PPIP5K2: variants seen among roughly 807,000 people sequenced by gnomAD.
PPIP5K2 encodes the protein inositol hexakisphosphate and diphosphoinositol-pentakisphosphate kinase 2.
In PPIP5K2, 105 loss-of-function variants were observed where a neutral mutation model predicts 154.6. That is an observed-to-expected ratio of 0.68 (90% CI 0.58 to 0.80). The LOEUF is 0.80. PPIP5K2 is among the 30% of genes least tolerant of loss of function. The pLI, the probability that PPIP5K2 is intolerant of heterozygous loss-of-function variation, is 0.00. For missense variants in PPIP5K2, 992 were observed against 1,504.6 expected, an observed-to-expected ratio of 0.66 and a Z score of 5.64; for synonymous variants, 480 against 490.3, an observed-to-expected ratio of 0.98 and a Z score of 0.28.
In PPIP5K2 at chr5:103,211,924, A is replaced by G. The variant is rs1340948379; in HGVS notation, c.*10290A>G. 2 of 152,150 alleles carry G rather than the reference A, an allele frequency of 1.3e-5. No homozygotes were observed. Among genetic ancestry groups the G allele is most frequent in the Admixed American group, 1.3e-4 (2 of 15,274 alleles). 9.4% of individuals were successfully genotyped at this position (152,150 alleles called of 1,614,324 possible). On this transcript the variant is annotated 3_prime_UTR_variant, in exon 31 of 31. Transcript: ENST00000358359. The stretch of plus-strand genomic sequence containing the variant: ...GAAATATATGTTACAGGTGAAAAGC[A>G]AGAATTAAAACTAGTTATCTGAATG...
chr5:103,164,930 A>G (rs1260617536), intron 17 of PPIP5K2, among the ~76,000 whole-genome samples: 1 of 152,274 alleles, frequency 6.6e-6, no homozygotes, highest in South Asian at 2.1e-4. Context: ...ATAGTGGTTT[A>G]GAGCACCAGT....
At chr5:103,137,671 A>G (rs1791773035) in intron 4 of PPIP5K2, among the ~76,000 whole-genome samples, 1 of 152,196 alleles carries the variant, frequency 6.6e-6, no homozygotes, top group African/African-American at 2.4e-5. Context: ...TACCATTACA[A>G]TATGAGATTT....
chr5:103,149,140 C>T lies in PPIP5K2; in HGVS notation c.745-12C>T, dbSNP rs782192849. 3 of 1,590,610 alleles carry T rather than the reference C, an allele frequency of 1.9e-6. No individual in the cohort carries two copies. Among genetic ancestry groups the T allele is most frequent in the South Asian group, 1.1e-5 (1 of 87,182 alleles). On this transcript the variant is annotated splice_polypyrimidine_tract_variant and intron_variant, in intron 7 of 30. Coordinates refer to ENST00000358359, the MANE Select transcript of PPIP5K2 (RefSeq NM_001276277.3). ...TATATATATTTATACATTTATTAAA[C>T]ATTTGTGAAAGGTTTATACAGTGGG...
At chr5:103,138,593 T>A (rs1791995089) in intron 5 of PPIP5K2, 124 bp downstream of exon 5, 2 of 519,760 alleles carry the variant, frequency 3.8e-6, no homozygotes, top group Non-Finnish European at 6.6e-6. Flanking sequence ...TTTTAAAAAA[T>A]AATCTAAACA....
chr5:103,153,997 C>A, intron 11 of PPIP5K2, 63 bp downstream of exon 11: 1 of 1,262,812 alleles, frequency 7.9e-7, no homozygotes, highest in South Asian at 1.4e-5. Flanking sequence ...GATAAGTGAT[C>A]AACTCTTTTG....
rs1387367553 is a variant in PPIP5K2, at chr5:103,206,229, C to T, written c.*4595C>T. On this transcript the variant is annotated 3_prime_UTR_variant, in exon 31 of 31. Coordinates refer to ENST00000358359, the MANE Select transcript of PPIP5K2 (RefSeq NM_001276277.3). ...ATATTGTCATCAAAAGCCCAAGTGA[C>T]CTCCCTTGTCACCTCTGGCATAGTA... 1 of 152,148 alleles carries T rather than the reference C, an allele frequency of 6.6e-6. No individual in the cohort carries two copies. Among genetic ancestry groups the T allele is most frequent in the Non-Finnish European group, 1.5e-5 (1 of 68,026 alleles). The allele number at this position is 152,148 out of a possible 1,614,324, so 9.4% of individuals were successfully genotyped here. A position where few individuals can be genotyped will look rare whatever the true frequency, so the allele number is the denominator to read the frequency against.
chr5:103,201,616 C>A lies in PPIP5K2; in HGVS notation c.3714C>A (p.Asn1238Lys), dbSNP rs868914282. 1 of 1,597,438 alleles carries A rather than the reference C, an allele frequency of 6.3e-7. No homozygotes were observed. Among genetic ancestry groups the A allele is most frequent in the Non-Finnish European group, 8.5e-7 (1 of 1,170,144 alleles). ...SKTETHEHKKNTGKKK is the reference protein window; with the variant it reads ...SKTETHEHKKKTGKKK Reference sequence around the variant, plus strand: ...CAGAAACGCATGAACACAAAAAAAACACTGGGAAAAAGAAATGAAATCTTA... The same window carrying A: ...CAGAAACGCATGAACACAAAAAAAAAACTGGGAAAAAGAAATGAAATCTTA... The change falls in exon 31 of 31, where the codon AAC (asparagine) becomes AAA (lysine). Residue 1238 changes from asparagine (N) to lysine (K), a missense_variant. This residue lies in a region of PPIP5K2 where 131 missense variants were observed against 117.8 expected (regional missense o/e 1.11). Coordinates refer to ENST00000358359, the MANE Select transcript of PPIP5K2 (RefSeq NM_001276277.3).
At position 103,157,202 on chromosome 5, in the gene PPIP5K2, T is replaced by TA. The variant is rs528709581; in HGVS notation, c.1490-986_1490-985insA. Among the ~76,000 whole-genome samples the TA allele has an allele frequency of 8.7e-4, 133 of 152,240 alleles. 1 individual carries two copies. The highest frequency in any genetic ancestry group is 3.1e-3 in the African/African-American group (130 of 41,556). ...TATAATGCTTATTTTTGAATTACTT[T>TA]TTTTTTCAGAACCCAACACAGATCT... On this transcript the variant is annotated intron_variant, in intron 14 of 30. Coordinates refer to ENST00000358359, the MANE Select transcript of PPIP5K2 (RefSeq NM_001276277.3).
intron 17 of PPIP5K2, among the ~76,000 whole-genome samples, chr5:103,162,484 T>C (rs575437227): frequency 2.6e-4 from 39 of 151,920 alleles, no homozygotes; most frequent in African/African-American, 8.2e-4. Flanking sequence ...TGCCTCAGCC[T>C]CCTGAGTAGC....
intron 29 of PPIP5K2, among the ~76,000 whole-genome samples, chr5:103,193,573 G>GA (rs1801600578): frequency 1.3e-5 from 2 of 151,870 alleles, no homozygotes; most frequent in African/African-American, 4.8e-5. Context: ...CATAGAGTAG[G>GA]GTAAAAATAT....
At position 103,208,560 on chromosome 5, in the gene PPIP5K2, C is replaced by G. The variant is rs1803640622; in HGVS notation, c.*6926C>G. The G allele has an allele frequency of 6.6e-6, 1 of 152,298 alleles. No homozygotes were observed. The highest frequency in any genetic ancestry group is 1.5e-5 in the Non-Finnish European group (1 of 68,154). 9.4% of individuals were successfully genotyped at this position (152,298 alleles called of 1,614,324 possible). A position where few individuals can be genotyped will look rare whatever the true frequency, so the allele number is the denominator to read the frequency against. On this transcript the variant is annotated 3_prime_UTR_variant, in exon 31 of 31. Coordinates refer to ENST00000358359, the MANE Select transcript of PPIP5K2 (RefSeq NM_001276277.3). ...GTCTCTTTCCTCCTGTCTGCCACGT[C>G]TACAGACTACTGCTTGTCAATGTGA...
intron 5 of PPIP5K2, among the ~76,000 whole-genome samples, chr5:103,138,758 T>C (rs1583239194): frequency 6.6e-6 from 1 of 152,342 alleles, no homozygotes; most frequent in Non-Finnish European, 1.5e-5. Flanking sequence ...TGTGTATTGA[T>C]TAAAGGTGAA....
intron 5 of PPIP5K2, among the ~76,000 whole-genome samples, chr5:103,139,339 C>T (rs900941007): frequency 6.6e-6 from 1 of 152,102 alleles, no homozygotes; most frequent in Admixed American, 6.6e-5. Context: ...TCCCACTCCC[C>T]ACAGGAACAC....
intron 1 of PPIP5K2, among the ~76,000 whole-genome samples, chr5:103,126,736 C>A (rs374049438): frequency 3.1e-4 from 46 of 146,832 alleles, no homozygotes; most frequent in African/African-American, 1.1e-3. Context: ...GTCTATCTAG[C>A]CTTTTCACGT....
At chr5:103,177,553 A>G (rs1798905473) in intron 21 of PPIP5K2, 114 bp from the exon 22 acceptor site, 1 of 585,648 alleles carries the variant, frequency 1.7e-6, no homozygotes, top group Non-Finnish European at 2.9e-6. Context: ...GCATATGATA[A>G]GTATTCACTT....
At chr5:103,170,281 A>G (rs965216524) in intron 19 of PPIP5K2, among the ~76,000 whole-genome samples, 1 of 151,586 alleles carries the variant, frequency 6.6e-6, no homozygotes, top group Admixed American at 6.6e-5. Context: ...TTAGTATGTT[A>G]CGAAGGAGTT....
rs561945254 is a variant in PPIP5K2 at position 103,192,425 on chromosome 5, C to T, written c.3493+1443C>T. Among the ~76,000 whole-genome samples, 57 of 152,080 alleles carry T rather than the reference C, an allele frequency of 3.7e-4. 1 individual carries two copies. Among genetic ancestry groups the T allele is most frequent in the African/African-American group, 1.3e-3 (55 of 41,532 alleles). ...GAACCTGAATAAATTCTAGTTTACCCCTTCACCCTTAATGATGTTTCATTG... is the reference window on the plus strand; with the variant it reads ...GAACCTGAATAAATTCTAGTTTACCTCTTCACCCTTAATGATGTTTCATTG... On this transcript the variant is annotated intron_variant, in intron 29 of 30. Coordinates refer to ENST00000358359, the MANE Select transcript of PPIP5K2 (RefSeq NM_001276277.3).
chr5:103,206,233 C>T lies in PPIP5K2; in HGVS notation c.*4599C>T, dbSNP rs148046954. 3.5e-4 allele frequency: 54 copies of T among 152,266 alleles called. No individual in the cohort carries two copies. Among genetic ancestry groups the T allele is most frequent in the African/African-American group, 1.2e-3 (50 of 41,542 alleles). 9.4% of individuals were successfully genotyped at this position (152,266 alleles called of 1,614,324 possible). On this transcript the variant is annotated 3_prime_UTR_variant, in exon 31 of 31. Coordinates refer to ENST00000358359, the MANE Select transcript of PPIP5K2 (RefSeq NM_001276277.3). Reference sequence around the variant, plus strand: ...TGTCATCAAAAGCCCAAGTGACCTCCCTTGTCACCTCTGGCATAGTATAAA... The same window carrying T: ...TGTCATCAAAAGCCCAAGTGACCTCTCTTGTCACCTCTGGCATAGTATAAA...
chr5:103,146,379 C>A, intron 5 of PPIP5K2, 148 bp from the exon 6 acceptor site: 1 of 792,562 alleles, frequency 1.3e-6, no homozygotes, highest in Non-Finnish European at 1.9e-6. Flanking sequence ...ATGTTATTTA[C>A]ATAAACATGG....
Sources: gnomAD v4.1 joint callset for allele counts (sites outside exome capture counted in the v4.1 genomes callset) on GRCh38, gnomAD v4.1.1 for gene constraint, gnomAD v4.1.1 regional missense constraint, MANE v1.5 for transcripts, NCBI Gene and HGNC (gene_info 2026-07-23, HGNC 2026-07-21) for gene names.